HDAC4: variants seen among roughly 807,000 people sequenced by gnomAD.
HDAC4 encodes the protein histone deacetylase 4.
In HDAC4, 16 loss-of-function variants were observed where a neutral mutation model predicts 135.1. The ratio of observed to expected loss-of-function variants is 0.12; its 90% CI spans 0.08 to 0.18. The LOEUF (loss-of-function observed/expected upper bound fraction) is 0.18. Among genes scored for constraint, HDAC4 ranks in the 10% least tolerant of loss-of-function variants. The pLI is 1.00. For synonymous variants in HDAC4, 685 were observed against 653.4 expected, an observed-to-expected ratio of 1.05 and a Z score of -0.74; for missense variants, 1,143 against 1,511.8, an observed-to-expected ratio of 0.76 and a Z score of 4.05.
At chr2:239,292,260 A>G (rs572593627) in intron 2 of HDAC4, among the ~76,000 whole-genome samples, 2 of 152,370 alleles carry the variant, frequency 1.3e-5, no homozygotes, top group South Asian at 4.1e-4. Flanking sequence ...CTGCAGAAGC[A>G]GTCCCAGGGG....
rs990476424 is a variant in HDAC4 at position 239,389,530 on chromosome 2, A to T, written c.-220+11448T>A. ...CAGCTTCATTCTTGAAGTCAGTGGGACCAAGAACCCACTGGAAGGAACCAA... is the reference window on the plus strand; with the variant it reads ...CAGCTTCATTCTTGAAGTCAGTGGGTCCAAGAACCCACTGGAAGGAACCAA... On this transcript the variant is annotated intron_variant, in intron 1 of 26. Transcript: ENST00000543185. Among the ~76,000 whole-genome samples the T allele has an allele frequency of 2.6e-5, 4 of 152,116 alleles. No homozygotes were observed. In the East Asian group the frequency reaches 7.7e-4, roughly 29 times the overall value.
chr2:239,094,716 G>C (rs1340127578), intron 17 of HDAC4: 2 of 1,262,778 alleles, frequency 1.6e-6, no homozygotes, highest in Non-Finnish European at 1.0e-6. Flanking sequence ...CACAGACTTC[G>C]AAGGGGATGA....
rs3791440 is a variant in HDAC4 at position 239,121,476 on chromosome 2, C to T, written c.1533+4980G>A. 3.3e-4 allele frequency among the ~76,000 whole-genome samples: 51 copies of T among 152,310 alleles called. No homozygotes were observed. In the East Asian group the frequency reaches 7.5e-3, roughly 23 times the overall value. ...ACCGTGCTGTGCATCAGGAGACCTC[C>T]CCACTGTTCCAAGGGCTCTTGGATG... On this transcript the variant is annotated intron_variant, in intron 12 of 26. Transcript: ENST00000543185.
At chr2:239,367,951 C>A (rs1415980921) in intron 1 of HDAC4, among the ~76,000 whole-genome samples, 2 of 152,066 alleles carry the variant, frequency 1.3e-5, no homozygotes, top group African/African-American at 2.4e-5. Flanking sequence ...GCACTCCAGC[C>A]TGGGCGACAG....
chr2:239,144,442 C>T (rs1258097568), intron 8 of HDAC4, 141 bp downstream of exon 8: 2 of 1,131,568 alleles, frequency 1.8e-6, no homozygotes, highest in South Asian at 1.2e-5. Flanking sequence ...ACTTCCAGCG[C>T]CATGGGAACA....
At chr2:239,082,883 G>A (rs965663571) in intron 20 of HDAC4, among the ~76,000 whole-genome samples, 5 of 152,260 alleles carry the variant, frequency 3.3e-5, no homozygotes, top group Non-Finnish European at 7.3e-5. Context: ...AGGGCAGGTG[G>A]TCACCAGGAT....
At chr2:239,346,164 A>C (rs1692646853) in intron 2 of HDAC4, among the ~76,000 whole-genome samples, 1 of 151,428 alleles carries the variant, frequency 6.6e-6, no homozygotes, top group Non-Finnish European at 1.5e-5. Flanking sequence ...CCCAACACAC[A>C]CTGTCTAAAA....
chr2:239,229,504 G>A (rs1425614886), intron 3 of HDAC4, among the ~76,000 whole-genome samples: 1 of 152,202 alleles, frequency 6.6e-6, no homozygotes, highest in East Asian at 1.9e-4. Flanking sequence ...TAGTTGAAGA[G>A]GTTTATTTTA....
chr2:239,294,762 C>A (rs112204748), intron 2 of HDAC4, among the ~76,000 whole-genome samples: 1 of 152,162 alleles, frequency 6.6e-6, no homozygotes, highest in Non-Finnish European at 1.5e-5. Flanking sequence ...AGGAGCTCAG[C>A]GTCTCAGCTT....
At chr2:239,389,728 C>T (rs987496702) in intron 1 of HDAC4, among the ~76,000 whole-genome samples, 7 of 152,178 alleles carry the variant, frequency 4.6e-5, no homozygotes, top group Non-Finnish European at 5.9e-5. Flanking sequence ...TCACTGAGGA[C>T]GCTACTGGCG....
In HDAC4 at chr2:239,115,377, G is replaced by A. The variant is rs1204935886; in HGVS notation, c.1534-67C>T. 1.3e-6 allele frequency: 2 copies of A among 1,595,108 alleles called. No individual in the cohort carries two copies. The highest frequency in any genetic ancestry group is 8.6e-7 in the Non-Finnish European group (1 of 1,166,694). On this transcript the variant is annotated intron_variant, in intron 12 of 26. Transcript: ENST00000543185. The surrounding 1 kb of genome is among the most constrained non-coding windows in gnomAD (Gnocchi z 6.3). ...CCTCTGAGCTCATCTGACAGGAGAA[G>A]GGATGCTGCAAACCCCACCCTCTGG...
intron 2 of HDAC4, among the ~76,000 whole-genome samples, chr2:239,335,228 C>A (rs1691852261): frequency 1.3e-5 from 2 of 151,842 alleles, no homozygotes; most frequent in South Asian, 4.1e-4. Context: ...AAAACAGATC[C>A]ATTTATATAA....
At chr2:239,066,695 C>T (rs985524499) in intron 24 of HDAC4, 27 bp downstream of exon 24, 1 of 1,613,084 alleles carries the variant, frequency 6.2e-7, no homozygotes, top group Admixed American at 1.7e-5. Flanking sequence ...TGTGGAGCAT[C>T]CTGTGGGGTC....
chr2:239,157,144 G>C (rs2042474032), intron 6 of HDAC4, among the ~76,000 whole-genome samples: 3 of 152,238 alleles, frequency 2.0e-5, no homozygotes, highest in African/African-American at 2.4e-5. Flanking sequence ...CCGGTGGGGA[G>C]AGGAAGAGGA....
chr2:239,166,491 G>A (rs1347566195), intron 5 of HDAC4, among the ~76,000 whole-genome samples: 16 of 152,162 alleles, frequency 1.1e-4, no homozygotes, highest in African/African-American at 2.4e-4. Context: ...GTAGGGTGGC[G>A]GTGGGGGGAC....
At chr2:239,150,475 TACAC>T (rs1353669622) in intron 7 of HDAC4, among the ~76,000 whole-genome samples, 2 of 150,770 alleles carry the variant, frequency 1.3e-5, no homozygotes, top group Non-Finnish European at 3.0e-5. Context: ...GAAACACAGA[TACAC>T]ACACAGGTAC....
At chr2:239,237,988 C>A (rs956223169) in intron 2 of HDAC4, among the ~76,000 whole-genome samples, 8 of 152,212 alleles carry the variant, frequency 5.3e-5, no homozygotes, top group African/African-American at 1.9e-4. Flanking sequence ...GAAAGACCGG[C>A]AGGTCATAGT....
chr2:239,226,071 C>T (rs555832207), intron 3 of HDAC4, among the ~76,000 whole-genome samples: 4 of 152,280 alleles, frequency 2.6e-5, no homozygotes, highest in East Asian at 3.9e-4. Flanking sequence ...CTCGTCCTGG[C>T]GGCACAGGCT....
intron 15 of HDAC4, among the ~76,000 whole-genome samples, chr2:239,103,297 C>T (rs2037825558): frequency 6.6e-6 from 1 of 152,242 alleles, no homozygotes; most frequent in East Asian, 1.9e-4. Context: ...CTCCCGGAGT[C>T]TCTGAGCCCC....
Sources: gnomAD v4.1 joint callset for allele counts (sites outside exome capture counted in the v4.1 genomes callset) on GRCh38, gnomAD v4.1.1 for gene constraint, Gnocchi (gnomAD v3.1) non-coding constraint, MANE v1.5 for transcripts, NCBI Gene and HGNC (gene_info 2026-07-23, HGNC 2026-07-21) for gene names.